The following BAZ1B variants were observed in gnomAD, a reference collection of about 807,000 sequenced individuals.
BAZ1B encodes the protein bromodomain adjacent to zinc finger domain 1B, also known as tyrosine-protein kinase BAZ1B.
Under a neutral mutation model 153.8 loss-of-function variants are expected in BAZ1B, and 22 were observed. The ratio of observed to expected loss-of-function variants is 0.14; its 90% CI spans 0.10 to 0.20. BAZ1B has a LOEUF of 0.20. BAZ1B is among the 10% of genes least tolerant of loss of function. The pLI is 1.00. For synonymous variants in BAZ1B, 676 were observed against 633.4 expected (o/e 1.07, Z -1.01); for missense variants, 1,325 against 1,799.3 (o/e 0.74, Z 4.77).
intron 13 of BAZ1B, 74 bp downstream of exon 13, chr7:73,459,462 T>C (rs1294829045): frequency 2.0e-6 from 3 of 1,477,298 alleles, no homozygotes; most frequent in Non-Finnish European, 2.7e-6. Context: ...CTAAAATGCA[T>C]AGGGTTAGAT....
intron 4 of BAZ1B, among the ~76,000 whole-genome samples, chr7:73,494,433 T>C (rs998652489): frequency 1.3e-5 from 2 of 151,596 alleles, no homozygotes; most frequent in Non-Finnish European, 2.9e-5. Flanking sequence ...ATAAGGAAAT[T>C]GGAAGATACA....
chr7:73,445,453 T>C (rs1316183770), intron 16 of BAZ1B, among the ~76,000 whole-genome samples: 1 of 152,124 alleles, frequency 6.6e-6, no homozygotes, highest in Non-Finnish European at 1.5e-5. Flanking sequence ...CAGATCCTTT[T>C]GGCAAGTCGA....
intron 3 of BAZ1B, among the ~76,000 whole-genome samples, chr7:73,499,989 G>T (rs782105550): frequency 6.6e-6 from 1 of 151,976 alleles, no homozygotes; most frequent in Non-Finnish European, 1.5e-5. Context: ...TTCTGTTATT[G>T]TTTTAAAGAA....
Position 73,459,851 on chromosome 7 carries a change from C to A in BAZ1B, c.3250-133G>T, listed in dbSNP as rs1377225116. On this transcript the variant is annotated intron_variant, in intron 12 of 19. Transcript: ENST00000339594. ...ATTAAACAAAATCGAGAGCCACATA[C>A]CATTAATTTAACTGTGCTCCTCAGT... The A allele has an allele frequency of 5.2e-6, 4 of 769,642 alleles. No individual in the cohort carries two copies. The Admixed American group carries it at 1.2e-4, about 23-fold the overall frequency. 47.7% of individuals were successfully genotyped at this position (769,642 alleles called of 1,614,324 possible).
chr7:73,513,264 A>T (rs1460551547), intron 1 of BAZ1B, among the ~76,000 whole-genome samples: 1 of 152,184 alleles, frequency 6.6e-6, no homozygotes, highest in Non-Finnish European at 1.5e-5. Context: ...CATGTTTAAT[A>T]AATATAGATG....
chr7:73,495,604 A>G (rs1789844212), intron 4 of BAZ1B, among the ~76,000 whole-genome samples: 1 of 152,244 alleles, frequency 6.6e-6, no homozygotes, highest in Admixed American at 6.5e-5. Context: ...ATACAGCACT[A>G]TTCACAATAG....
intron 10 of BAZ1B, among the ~76,000 whole-genome samples, chr7:73,465,828 C>A (rs1479431344): frequency 6.6e-6 from 1 of 151,892 alleles, no homozygotes; most frequent in Non-Finnish European, 1.5e-5. Context: ...AAACCTATAC[C>A]CAAAATTCAA....
chr7:73,490,641 T>A (rs1253981270), intron 5 of BAZ1B, among the ~76,000 whole-genome samples: 16 of 151,956 alleles, frequency 1.1e-4, no homozygotes, highest in Non-Finnish European at 4.4e-5. Flanking sequence ...GTTTCACTCT[T>A]GTTGCCCAGG....
chr7:73,449,498 T>C, intron 15 of BAZ1B, 44 bp downstream of exon 15: 2 of 1,572,324 alleles, frequency 1.3e-6, no homozygotes, highest in South Asian at 2.3e-5. Context: ...TAACAGCTAT[T>C]CATATTTATT....
intron 4 of BAZ1B, among the ~76,000 whole-genome samples, chr7:73,494,011 A>G (rs527503814): frequency 6.6e-6 from 1 of 152,310 alleles, no homozygotes; most frequent in African/African-American, 2.4e-5. Flanking sequence ...TAAAGAGATT[A>G]GAATTTGTCT....
rs140946302 is a variant in BAZ1B, at chr7:73,455,027, G to GGT, written c.3433-4035_3433-4034dup. On this transcript the variant is annotated intron_variant, in intron 13 of 19. Coordinates refer to ENST00000339594, the MANE Select transcript of BAZ1B (RefSeq NM_032408.4). ...CGCGCCACCACACCACCACACTCGG[G>GGT]GTGTGTGTGTGTGTGTGTGCATTTT... Among the ~76,000 whole-genome samples, 1,314 of 149,522 alleles carry GGT rather than the reference G, an allele frequency of 8.8e-3. 6 individuals are homozygous for GGT. Among genetic ancestry groups the GGT allele is most frequent in the Middle Eastern group, 0.049 (14 of 286 alleles).
chr7:73,500,845 C>T (rs1438016108), intron 3 of BAZ1B, among the ~76,000 whole-genome samples: 5 of 150,642 alleles, frequency 3.3e-5, no homozygotes, highest in Non-Finnish European at 7.4e-5. Flanking sequence ...GAGCCGAGAT[C>T]GCGCCATTGC....
At chr7:73,493,168 A>G (rs1033636968) in intron 4 of BAZ1B, among the ~76,000 whole-genome samples, 1 of 152,082 alleles carries the variant, frequency 6.6e-6, no homozygotes, top group African/African-American at 2.4e-5. Context: ...GTAAAGAAAA[A>G]CACTATGAGA....
chr7:73,507,913 G>T lies in BAZ1B; in HGVS notation c.369+414C>A, dbSNP rs191071406. On this transcript the variant is annotated intron_variant, in intron 3 of 19. Transcript: ENST00000339594. ...AAATTTAGTCCTTATAATAATTGAT[G>T]GGAGGCCAAGGTGGGTGGATCATCT... 2.6e-5 allele frequency among the ~76,000 whole-genome samples: 4 copies of T among 152,278 alleles called. No homozygotes were observed. In the East Asian group the frequency reaches 7.7e-4, roughly 29 times the overall value.
intron 3 of BAZ1B, among the ~76,000 whole-genome samples, chr7:73,499,532 T>A (rs1200036460): frequency 1.3e-5 from 2 of 152,124 alleles, no homozygotes; most frequent in Non-Finnish European, 2.9e-5. Flanking sequence ...GGAGACCCCA[T>A]CTTTACAAAA....
chr7:73,478,047 G>A lies in BAZ1B; in HGVS notation c.1414C>T (p.Pro472Ser). The change falls in exon 7 of 20, where the codon CCT (proline) becomes TCT (serine). Residue 472 changes from proline to serine, a missense_variant. Physicochemically the swap from Pro to Ser is moderately conservative, Grantham distance 74 (BLOSUM62 -1). Coordinates refer to ENST00000339594, the MANE Select transcript of BAZ1B (RefSeq NM_032408.4). ...GCAATGAGGTGTAGGGCTGCAGGAG[G>A]CAGATGTTTATGAGGTTTACTAGAG... is the stretch of plus-strand genomic sequence containing the variant. Reference protein sequence around the residue: ...RTSSKPHKHLPPAALHLIAYY... With the variant: ...RTSSKPHKHLSPAALHLIAYY... 1.9e-6 allele frequency: 3 copies of A among 1,614,124 alleles called. No homozygotes were observed. Among genetic ancestry groups the A allele is most frequent in the Non-Finnish European group, 2.5e-6 (3 of 1,180,006 alleles).
chr7:73,474,546 G>A (rs1200020525), intron 7 of BAZ1B, among the ~76,000 whole-genome samples: 8 of 152,186 alleles, frequency 5.3e-5, no homozygotes, highest in African/African-American at 1.2e-4. Flanking sequence ...AGGCCAAGGC[G>A]TGCGGATCAC....
chr7:73,518,570 G>A (rs1264959325), intron 1 of BAZ1B, among the ~76,000 whole-genome samples: 1 of 152,190 alleles, frequency 6.6e-6, no homozygotes, highest in African/African-American at 2.4e-5. Flanking sequence ...GGCAGACGCA[G>A]TAGTGCGTGC....
intron 3 of BAZ1B, among the ~76,000 whole-genome samples, chr7:73,500,050 G>T (rs187595964): frequency 9.9e-5 from 15 of 152,168 alleles, no homozygotes; most frequent in Admixed American, 6.6e-4. Context: ...CTGGGCTCAA[G>T]CAATTCTCTC....
Sources: allele counts gnomAD v4.1 joint callset (sites outside exome capture counted in the v4.1 genomes callset), GRCh38; gene constraint gnomAD v4.1.1; transcripts MANE v1.5; gene names NCBI Gene and HGNC (gene_info 2026-07-23, HGNC 2026-07-21).